PRKN: variants seen among roughly 807,000 people sequenced by gnomAD.
The protein encoded by PRKN is parkin RBR E3 ubiquitin protein ligase.
PRKN carries 56 observed loss-of-function variants against 59.5 expected under a neutral mutation model. The observed-to-expected ratio is 0.94, with a 90% CI of 0.76 to 1.18. PRKN has a LOEUF of 1.18. Ranked by LOEUF, PRKN falls within the 50% of genes most tolerant of loss-of-function variation. The pLI, the probability that PRKN is intolerant of heterozygous loss-of-function variation, is 0.00. For synonymous variants in PRKN, 250 were observed against 222.1 expected, an observed-to-expected ratio of 1.13 and a Z score of -1.12; for missense variants, 657 against 596.4, an observed-to-expected ratio of 1.10 and a Z score of -1.06.
At chr6:161,616,477 A>T (rs1481620678) in intron 7 of PRKN, among the ~76,000 whole-genome samples, 1 of 151,670 alleles carries the variant, frequency 6.6e-6, no homozygotes, top group Non-Finnish European at 1.5e-5. Context: ...TTCGTTACAT[A>T]GATATACACA....
intron 6 of PRKN, among the ~76,000 whole-genome samples, chr6:161,843,126 A>C (rs541194464): frequency 2.0e-4 from 31 of 152,286 alleles, no homozygotes; most frequent in Non-Finnish European, 4.3e-4. Context: ...TTAATAATTT[A>C]TAGTCAGAAA....
chr6:162,153,559 A>G (rs1782368211), intron 4 of PRKN, among the ~76,000 whole-genome samples: 1 of 152,142 alleles, frequency 6.6e-6, no homozygotes, highest in Non-Finnish European at 1.5e-5. Flanking sequence ...CTTTTGGGGT[A>G]CCCGCACTTG....
At chr6:161,741,671 T>C (rs113977023) in intron 7 of PRKN, among the ~76,000 whole-genome samples, 3,919 of 152,076 alleles carry the variant, frequency 0.026, 180 homozygotes, top group African/African-American at 0.09. Context: ...TGGTCTGGGG[T>C]GATCCTCTGT....
chr6:162,359,643 G>T (rs1338797320), intron 2 of PRKN, among the ~76,000 whole-genome samples: 2 of 150,552 alleles, frequency 1.3e-5, no homozygotes, highest in Non-Finnish European at 3.0e-5. Flanking sequence ...TCCTGCATTT[G>T]AGGCAGCTAA....
intron 2 of PRKN, chr6:162,275,421 G>T (rs980924383): frequency 1.8e-4 from 28 of 151,988 alleles, no homozygotes; most frequent in Non-Finnish European, 2.2e-4. Context: ...TATTTTCTTG[G>T]TTTATACATT....
At chr6:162,232,661 T>G (rs1004812763) in intron 3 of PRKN, among the ~76,000 whole-genome samples, 2 of 152,188 alleles carry the variant, frequency 1.3e-5, no homozygotes, top group Non-Finnish European at 1.5e-5. Context: ...TGTGATTTTT[T>G]CTTCTCTCTG....
chr6:161,808,643 C>G (rs3016543), intron 6 of PRKN, among the ~76,000 whole-genome samples: 148,468 of 152,222 alleles, frequency 0.98, 72,444 homozygotes, highest in Admixed American at 0.99. Context: ...AGAGATTAAA[C>G]TGCATTTTTA....
intron 7 of PRKN, among the ~76,000 whole-genome samples, chr6:161,783,158 G>A (rs1183727099): frequency 6.6e-6 from 1 of 152,042 alleles, no homozygotes; most frequent in Non-Finnish European, 1.5e-5. Flanking sequence ...CTCAGTAACA[G>A]AATTTTTGCC....
intron 1 of PRKN, chr6:162,695,143 A>G (rs1354661276): frequency 1.3e-5 from 2 of 152,160 alleles, no homozygotes; most frequent in Admixed American, 1.3e-4. Flanking sequence ...AAGTAAATCA[A>G]TACTTCATGT....
intron 10 of PRKN, among the ~76,000 whole-genome samples, chr6:161,384,362 C>A (rs1462518397): frequency 6.6e-6 from 1 of 151,614 alleles, no homozygotes; most frequent in Non-Finnish European, 1.5e-5. Context: ...GGGCAACATG[C>A]TGAAACCCTG....
chr6:162,371,806 T>A (rs565153242), intron 2 of PRKN, among the ~76,000 whole-genome samples: 1 of 152,344 alleles, frequency 6.6e-6, no homozygotes, highest in South Asian at 2.1e-4. Flanking sequence ...CATGTTATTA[T>A]GTTTCTTCAC....
chr6:162,426,979 A>G (rs991989805), intron 2 of PRKN, among the ~76,000 whole-genome samples: 1 of 152,240 alleles, frequency 6.6e-6, no homozygotes, highest in Non-Finnish European at 1.5e-5. Flanking sequence ...AAATACTAAT[A>G]TACATTGTGC....
At chr6:161,833,703 C>A (rs749937940) in intron 6 of PRKN, among the ~76,000 whole-genome samples, 4 of 152,108 alleles carry the variant, frequency 2.6e-5, no homozygotes, top group Non-Finnish European at 4.4e-5. Flanking sequence ...GATGAGTCTG[C>A]AGCTTCTGCC....
chr6:162,621,040 T>C (rs1782641686), intron 1 of PRKN, among the ~76,000 whole-genome samples: 1 of 152,228 alleles, frequency 6.6e-6, no homozygotes, highest in Admixed American at 6.5e-5. Context: ...CAATCTATTT[T>C]AGTCTCATTG....
intron 2 of PRKN, among the ~76,000 whole-genome samples, chr6:162,440,110 T>C (rs984424649): frequency 6.7e-6 from 1 of 150,008 alleles, no homozygotes; most frequent in Non-Finnish European, 1.5e-5. Context: ...TCGTTTTCAA[T>C]GTCTATATTT....
chr6:162,056,362 C>T lies in PRKN; in HGVS notation c.535-2188G>A, dbSNP rs1777867965. On this transcript the variant is annotated intron_variant, in intron 4 of 11. Transcript: ENST00000366898. This position sits in a 1 kb window ranked among gnomAD's most constrained non-coding sequence, Gnocchi z 4.9. ...ACAGCACACAGGCATACACATACTA[C>T]ATACACTCACACACTCATGCATGCA... 6.6e-6 allele frequency among the ~76,000 whole-genome samples: 1 copy of T among 151,780 alleles called. No homozygotes were observed. The highest frequency in any genetic ancestry group is 1.5e-5 in the Non-Finnish European group (1 of 67,938).
At chr6:162,503,136 C>CTTT (rs10629175) in intron 1 of PRKN, among the ~76,000 whole-genome samples, 1,661 of 80,478 alleles carry the variant, frequency 0.021, 5 homozygotes, top group Middle Eastern at 0.076. Context: ...GTCTTCATTT[C>CTTT]TTTTTTTTTT....
intron 6 of PRKN, among the ~76,000 whole-genome samples, chr6:161,900,688 ATATAT>A (rs1277791813): frequency 8.2e-4 from 106 of 129,224 alleles, no homozygotes; most frequent in Admixed American, 8.2e-3. Flanking sequence ...ATAATATATT[ATATAT>A]TATAGTAATA....
chr6:162,714,570 G>C (rs1326017213), intron 1 of PRKN, among the ~76,000 whole-genome samples: 5 of 152,174 alleles, frequency 3.3e-5, no homozygotes, highest in Admixed American at 6.5e-5. Flanking sequence ...TCACGGAGTA[G>C]CCTAGAATTA....
Sources: allele counts gnomAD v4.1 joint callset (sites outside exome capture counted in the v4.1 genomes callset), GRCh38; gene constraint gnomAD v4.1.1; non-coding constraint Gnocchi (gnomAD v3.1); transcripts MANE v1.5; gene names NCBI Gene and HGNC (gene_info 2026-07-23, HGNC 2026-07-21).